EAF1: variants seen among roughly 807,000 people sequenced by gnomAD.
EAF1 encodes the protein ELL-associated factor 1.
In EAF1, 19 loss-of-function variants were observed where a neutral mutation model predicts 26.6. The observed-to-expected ratio is 0.71, with a 90% confidence interval of 0.50 to 1.05. EAF1 has a LOEUF of 1.05. Among genes scored for constraint, EAF1 ranks in the 50% least tolerant of loss-of-function variants. EAF1 has a pLI of 0.00. For synonymous variants in EAF1, 102 were observed against 120.6 expected (o/e 0.85, Z 1.01); for missense variants, 260 against 335.5 (o/e 0.78, Z 1.76).
chr3:15,428,505 A>G (rs1241223549), intron 1 of EAF1, among the ~76,000 whole-genome samples: 3 of 152,178 alleles, frequency 2.0e-5, no homozygotes, highest in African/African-American at 7.2e-5. Context: ...GAGGTCACCT[A>G]TACCACCCGG....
Position 15,427,816 on chromosome 3 carries a change from G to C in EAF1, c.37G>C (p.Glu13Gln). 1 of 1,551,442 alleles carries C rather than the reference G, an allele frequency of 6.4e-7. No individual in the cohort carries two copies. Among genetic ancestry groups the C allele is most frequent in the Non-Finnish European group, 8.7e-7 (1 of 1,146,892 alleles). ...GTANPLLDREEHCLRLGESFE... is the reference protein window; with the variant it reads ...GTANPLLDREQHCLRLGESFE... ...CGCAAACCCGCTGCTGGACCGCGAG[G>C]AACATTGCCTGAGGCTCGGGGAGAG... The change falls in exon 1 of 6, where the codon GAA becomes CAA. Residue 13 changes from glutamate (E) to glutamine (Q), a missense_variant. Coordinates refer to ENST00000396842, the MANE Select transcript of EAF1 (RefSeq NM_033083.7).
At chr3:15,437,636 A>C (rs2061843491) in intron 5 of EAF1, among the ~76,000 whole-genome samples, 1 of 152,168 alleles carries the variant, frequency 6.6e-6, no homozygotes, top group Admixed American at 6.5e-5. Flanking sequence ...AAACAAGAAC[A>C]AAAATTTATT....
chr3:15,434,840 T>C (rs191243457), intron 4 of EAF1, among the ~76,000 whole-genome samples: 1 of 152,320 alleles, frequency 6.6e-6, no homozygotes. Context: ...GGCACACCTC[T>C]AAGGCTTCGG....
chr3:15,436,839 GTTT>G (rs550443264), intron 5 of EAF1, among the ~76,000 whole-genome samples: 1 of 152,188 alleles, frequency 6.6e-6, no homozygotes, highest in Non-Finnish European at 1.5e-5. Context: ...CAGATAGGCT[GTTT>G]TTGCTTTTAT....
At chr3:15,431,530 CA>C (rs112327118) in intron 2 of EAF1, among the ~76,000 whole-genome samples, 77 of 152,300 alleles carry the variant, frequency 5.1e-4, no homozygotes, top group African/African-American at 1.4e-3. Context: ...GGTGGAGAGC[CA>C]GGGAAGGGCC....
rs1225768238 is a variant in EAF1, at chr3:15,441,319, C to A, written c.*2164C>A. ...ATTTGGCTTCACAGATGGCTTCTCA[C>A]AGATGCCCTCCTGCCAGCCAAACCG... On this transcript the variant is annotated 3_prime_UTR_variant, in exon 6 of 6. Transcript: ENST00000396842. 6.5e-6 allele frequency: 1 copy of A among 153,698 alleles called. No homozygotes were observed. The highest frequency in any genetic ancestry group is 1.5e-5 in the Non-Finnish European group (1 of 68,044). 9.5% of individuals were successfully genotyped at this position (153,698 alleles called of 1,614,324 possible).
Position 15,439,730 on chromosome 3 carries a change from G to A in EAF1, c.*575G>A, listed in dbSNP as rs553216885. On this transcript the variant is annotated 3_prime_UTR_variant, in exon 6 of 6. Transcript: ENST00000396842. ...GAGTCCTTGAGTGTCAGTTGGTGAGGACCATGGAGTCCTGCCAGCTCAACC... is the reference window on the plus strand; with the variant it reads ...GAGTCCTTGAGTGTCAGTTGGTGAGAACCATGGAGTCCTGCCAGCTCAACC... 3 of 152,408 alleles carry A rather than the reference G, an allele frequency of 2.0e-5. No homozygotes were observed. The highest frequency in any genetic ancestry group is 2.0e-4 in the Admixed American group (3 of 15,304). 9.4% of individuals were successfully genotyped at this position (152,408 alleles called of 1,614,324 possible).
At chr3:15,436,734 AAAG>A in intron 5 of EAF1, 159 bp downstream of exon 5, 1 of 528,692 alleles carries the variant, frequency 1.9e-6, no homozygotes, top group Non-Finnish European at 3.2e-6. Context: ...AAACAGTAAA[AAAG>A]GGAAATGAGA....
intron 3 of EAF1, 138 bp downstream of exon 3, chr3:15,432,361 T>C (rs1396034595): frequency 2.0e-6 from 2 of 1,009,128 alleles, no homozygotes; most frequent in Middle Eastern, 2.3e-4. Context: ...TCAGACAAAA[T>C]ATGTAAATAT....
chr3:15,433,526 A>G (rs2061814764), intron 3 of EAF1, among the ~76,000 whole-genome samples: 1 of 152,266 alleles, frequency 6.6e-6, no homozygotes, highest in Non-Finnish European at 1.5e-5. Context: ...TGATTTGTGC[A>G]TAAGCAAAAG....
At position 15,427,684 on chromosome 3, in the gene EAF1, C is replaced by G; in HGVS notation, c.-96C>G. The G allele has an allele frequency of 7.6e-7, 1 of 1,309,704 alleles. No individual in the cohort carries two copies. Among genetic ancestry groups the G allele is most frequent in the Admixed American group, 2.1e-5 (1 of 48,668 alleles). 81.1% of individuals were successfully genotyped at this position (1,309,704 alleles called of 1,614,324 possible). A position where few individuals can be genotyped will look rare whatever the true frequency, so the allele number is the denominator to read the frequency against. On this transcript the variant is annotated 5_prime_UTR_variant, in exon 1 of 6. Coordinates refer to ENST00000396842, the MANE Select transcript of EAF1 (RefSeq NM_033083.7). ...CTCTCCTTGTCTTCCAGAGCGGTGG[C>G]CCGGAAGCACAGTCCTCCCAGACGC... is the stretch of plus-strand genomic sequence containing the variant.
chr3:15,435,475 C>CA (rs1553633123), intron 4 of EAF1, among the ~76,000 whole-genome samples: 2 of 146,516 alleles, frequency 1.4e-5, no homozygotes, highest in Admixed American at 1.4e-4. Context: ...TGTTTTGTCC[C>CA]TTTTTTTTTT....
In EAF1 at chr3:15,439,991, G is replaced by A. The variant is rs954319227; in HGVS notation, c.*836G>A. On this transcript the variant is annotated 3_prime_UTR_variant, in exon 6 of 6. Coordinates refer to ENST00000396842, the MANE Select transcript of EAF1 (RefSeq NM_033083.7). The stretch of plus-strand genomic sequence containing the variant: ...CTAAATACATGAGGCTGGGTGAGCA[G>A]ATGAAACCGGTAGCCACTGTGCTGA... The A allele has an allele frequency of 1.3e-5, 2 of 152,382 alleles. No homozygotes were observed. The highest frequency in any genetic ancestry group is 1.9e-4 in the East Asian group (1 of 5,188). 9.4% of individuals were successfully genotyped at this position (152,382 alleles called of 1,614,324 possible).
At position 15,442,380 on chromosome 3, in the gene EAF1, C is replaced by G. The variant is rs1412160260; in HGVS notation, c.*3225C>G. ...AGGCCTTAACCAATAGGTTGGAAGA[C>G]AAGACCAATTGAAGAGTTAGGAAAT... On this transcript the variant is annotated 3_prime_UTR_variant, in exon 6 of 6. Coordinates refer to ENST00000396842, the MANE Select transcript of EAF1 (RefSeq NM_033083.7). 1 of 152,558 alleles carries G rather than the reference C, an allele frequency of 6.6e-6. No individual in the cohort carries two copies. Among genetic ancestry groups the G allele is most frequent in the Non-Finnish European group, 1.5e-5 (1 of 68,018 alleles). 9.5% of individuals were successfully genotyped at this position (152,558 alleles called of 1,614,324 possible).
chr3:15,431,451 G>A (rs545058931), intron 2 of EAF1, among the ~76,000 whole-genome samples: 1 of 152,360 alleles, frequency 6.6e-6, no homozygotes, highest in South Asian at 2.1e-4. Flanking sequence ...GAGAGAGCTT[G>A]AGGATAGGAG....
chr3:15,431,489 C>T (rs1216219112), intron 2 of EAF1, among the ~76,000 whole-genome samples: 1 of 152,186 alleles, frequency 6.6e-6, no homozygotes, highest in African/African-American at 2.4e-5. Flanking sequence ...TGCTCTGAAG[C>T]ACATGCGCAG....
rs768088097 is a variant in EAF1 at position 15,430,008 on chromosome 3, G to T, written c.198+1G>T. 6.3e-7 allele frequency: 1 copy of T among 1,574,846 alleles called. No individual in the cohort carries two copies. The highest frequency in any genetic ancestry group is 8.6e-7 in the Non-Finnish European group (1 of 1,158,236). On this transcript the variant is annotated splice_donor_variant, in intron 2 of 5. Transcript: ENST00000396842. LOFTEE classifies it high-confidence loss of function. ...CACAATTACACTGCCACATATCCCT[G>T]TGAGTTTATTTCATTTTTTTTTTTA...
chr3:15,437,706 G>T (rs1402332892), intron 5 of EAF1, among the ~76,000 whole-genome samples: 1 of 152,176 alleles, frequency 6.6e-6, no homozygotes, highest in Admixed American at 6.5e-5. Context: ...GAACCCTGAT[G>T]AATGTTCTCT....
intron 4 of EAF1, among the ~76,000 whole-genome samples, chr3:15,435,420 C>T (rs1281970400): frequency 6.6e-6 from 1 of 151,798 alleles, no homozygotes; most frequent in African/African-American, 2.4e-5. Context: ...TTGCCTTTTC[C>T]ACCCTGTAGA....
Sources: gnomAD v4.1 joint callset for allele counts (sites outside exome capture counted in the v4.1 genomes callset) on GRCh38, gnomAD v4.1.1 for gene constraint, MANE v1.5 for transcripts, NCBI Gene and HGNC (gene_info 2026-07-23, HGNC 2026-07-21) for gene names.